ITPR3: variants seen among roughly 807,000 people sequenced by gnomAD.
ITPR3 encodes inositol 1,4,5-trisphosphate receptor type 3.
ITPR3 carries 173 observed loss-of-function variants against 293.2 expected under a neutral mutation model. That is an observed-to-expected ratio of 0.59 (90% CI 0.52 to 0.67). ITPR3 has a LOEUF of 0.67. Ranked by LOEUF, ITPR3 falls within the 30% of genes least tolerant of loss-of-function variation. ITPR3 has a pLI of 0.00. For missense variants in ITPR3, 2,796 were observed against 3,592.1 expected (o/e 0.78, Z 5.66); for synonymous variants, 1,295 against 1,444.4 (o/e 0.90, Z 2.35).
At position 33,688,248 on chromosome 6, in the gene ITPR3, C is replaced by G; in HGVS notation, c.6385C>G (p.Gln2129Glu). The G allele has an allele frequency of 3.1e-6, 5 of 1,614,190 alleles. No individual in the cohort carries two copies. The highest frequency in any genetic ancestry group is 1.1e-5 in the South Asian group (1 of 91,086). ...NHTSQIEIVR[Q>E]DRSMEQIVFP... The stretch of plus-strand genomic sequence containing the variant: ...TGCTGTGTGTGCTCAGATTGTGCGG[C>G]AGGACCGCAGCATGGAGCAGATCGT... Residue 2129 changes from glutamine to glutamate, a missense_variant, in exon 48 of 58, where the codon CAG becomes GAG. Around this residue, in one of 8 missense-constraint regions of ITPR3, gnomAD observed 568 missense variants for 796.1 expected, o/e 0.71. Transcript: ENST00000605930.
At position 33,663,754 on chromosome 6, in the gene ITPR3, C is replaced by G; in HGVS notation, c.1022C>G (p.Thr341Arg). ...CTCATCCAGGGGGCACAGGGCCGCA[C>G]AGGCCGCAGGAATGCTGGGGAGAAG... ...KAAGMGAQGR[T>R]GRRNAGEKIK... The change falls in exon 11 of 58, where the codon ACA becomes AGA. Residue 341 changes from threonine (T) to arginine (R), a missense_variant. Thr to Arg is a moderately conservative substitution (Grantham distance 71, BLOSUM62 -1). Around this residue, in one of 8 missense-constraint regions of ITPR3, gnomAD observed 955 missense variants for 1,180.8 expected, o/e 0.81. Coordinates refer to ENST00000605930, the MANE Select transcript of ITPR3 (RefSeq NM_002224.4). The G allele has an allele frequency of 6.2e-7, 1 of 1,614,016 alleles. No individual in the cohort carries two copies. Among genetic ancestry groups the G allele is most frequent in the Non-Finnish European group, 8.5e-7 (1 of 1,180,002 alleles).
rs1764296723 is a variant in ITPR3 at position 33,655,949 on chromosome 6, A to G, written c.282+62A>G. ...GTACCAGGAACCTGGGTACACAAGC[A>G]GCGGTGCTGCTTGTCGGAGCCAGTA... On this transcript the variant is annotated intron_variant, in intron 3 of 57. Coordinates refer to ENST00000605930, the MANE Select transcript of ITPR3 (RefSeq NM_002224.4). This position sits in a 1 kb window ranked among gnomAD's most constrained non-coding sequence, Gnocchi z 4.9. 1.2e-6 allele frequency: 2 copies of G among 1,603,850 alleles called. No individual in the cohort carries two copies. The highest frequency in any genetic ancestry group is 1.7e-6 in the Non-Finnish European group (2 of 1,173,254).
In ITPR3 at chr6:33,690,503, T is replaced by C. The variant is rs139767243; in HGVS notation, c.7032+305T>C. Among the ~76,000 whole-genome samples, 6 of 152,256 alleles carry C rather than the reference T, an allele frequency of 3.9e-5. 1 individual carries two copies. The highest frequency in any genetic ancestry group is 1.4e-4 in the African/African-American group (6 of 41,546). On this transcript the variant is annotated intron_variant, in intron 51 of 57. Transcript: ENST00000605930. ...ACTACTAGCTGTGTAACTGGGCAAG[T>C]TTCTTAACTGCCCCATGCCTCAGTT...
chr6:33,679,835 G>T lies in ITPR3; in HGVS notation c.3973-47G>T. On this transcript the variant is annotated intron_variant, in intron 30 of 57. Coordinates refer to ENST00000605930, the MANE Select transcript of ITPR3 (RefSeq NM_002224.4). The surrounding 1 kb of genome is among the most constrained non-coding windows in gnomAD (Gnocchi z 4.2). ...TAAGCAACGGAGAGGAGAGCCCAGG[G>T]CTTGCTGGACCGAGAGAGTGTGACA... 1 of 1,576,750 alleles carries T rather than the reference G, an allele frequency of 6.3e-7. No individual in the cohort carries two copies.
Position 33,695,558 on chromosome 6 carries a change from T to G in ITPR3, c.7948-154T>G, listed in dbSNP as rs1765520454. On this transcript the variant is annotated intron_variant, in intron 57 of 57. Coordinates refer to ENST00000605930, the MANE Select transcript of ITPR3 (RefSeq NM_002224.4). ...CAAGGGTTTGGTGCTGACATCGACA[T>G]CCTTAAAGCACCCCGAGGGGCCCTG... 3 of 691,338 alleles carry G rather than the reference T, an allele frequency of 4.3e-6. No individual in the cohort carries two copies. The Admixed American group carries it at 7.0e-5, about 16-fold the overall frequency. The allele number at this position is 691,338 out of a possible 1,614,324, so 42.8% of individuals were successfully genotyped here.
At chr6:33,694,685 C>T (rs1561886022) in intron 56 of ITPR3, 7 of 538,440 alleles carry the variant, frequency 1.3e-5, no homozygotes, top group Admixed American at 3.2e-5. Flanking sequence ...ACTCAGCTGC[C>T]GACGCTGCCT....
chr6:33,677,734 C>G (rs746894142), intron 28 of ITPR3, 105 bp downstream of exon 28: 4 of 1,398,010 alleles, frequency 2.9e-6, no homozygotes, highest in Non-Finnish European at 3.9e-6. Context: ...CCAGCCTCGC[C>G]TGGCCTCTTA....
intron 2 of ITPR3, among the ~76,000 whole-genome samples, chr6:33,652,321 G>A (rs1324260640): frequency 6.6e-6 from 1 of 152,168 alleles, no homozygotes; most frequent in African/African-American, 2.4e-5. Flanking sequence ...GCAGATTCAT[G>A]CTGAGCCAAC....
intron 39 of ITPR3, 90 bp from the exon 40 acceptor site, chr6:33,685,260 AGCCCCAGCG>A (rs1321439669): frequency 1.6e-6 from 2 of 1,218,250 alleles, no homozygotes; most frequent in East Asian, 2.4e-5. Context: ...AGGCCCCTGC[AGCCCCAGCG>A]GCCCCAGCAG....
At chr6:33,677,235 C>T (rs1764932013) in intron 27 of ITPR3, 146 bp downstream of exon 27, 1 of 814,324 alleles carries the variant, frequency 1.2e-6, no homozygotes. Flanking sequence ...ACATTAAAAA[C>T]AGCCCTGCCA....
chr6:33,650,190 G>T (rs1416475062), intron 2 of ITPR3, among the ~76,000 whole-genome samples: 1 of 152,230 alleles, frequency 6.6e-6, no homozygotes. Context: ...TTTAGTGACA[G>T]GGAAGGCTCA....
rs751698421 is a variant in ITPR3 at position 33,670,586 on chromosome 6, G to A, written c.2441+10G>A. 1 of 1,612,470 alleles carries A rather than the reference G, an allele frequency of 6.2e-7. No individual in the cohort carries two copies. The highest frequency in any genetic ancestry group is 8.5e-7 in the Non-Finnish European group (1 of 1,179,396). ...CCATCACCATCAAGGAGTGAGAGGGGTGGAGGCAGGGTGGGCGGGGCAGGG... is the reference window on the plus strand; with the variant it reads ...CCATCACCATCAAGGAGTGAGAGGGATGGAGGCAGGGTGGGCGGGGCAGGG... On this transcript the variant is annotated intron_variant, in intron 19 of 57. Coordinates refer to ENST00000605930, the MANE Select transcript of ITPR3 (RefSeq NM_002224.4). The surrounding 1 kb of genome is among the most constrained non-coding windows in gnomAD (Gnocchi z 6.7).
In ITPR3 at chr6:33,692,985, G is replaced by T; in HGVS notation, c.7624+92G>T. On this transcript the variant is annotated intron_variant, in intron 55 of 57. Transcript: ENST00000605930. The surrounding 1 kb of genome is among the most constrained non-coding windows in gnomAD (Gnocchi z 4.2). ...GTAGCGGTTTGGCCCTTCCTGCCCT[G>T]GGGAACCCTGGCCCGGAGCTGATGA... The T allele has an allele frequency of 1.5e-6, 2 of 1,318,972 alleles. No individual in the cohort carries two copies. The highest frequency in any genetic ancestry group is 2.4e-5 in the East Asian group (1 of 41,962). The allele number at this position is 1,318,972 out of a possible 1,614,324, so 81.7% of individuals were successfully genotyped here.
chr6:33,621,677 C>CA lies in ITPR3; in HGVS notation c.76dup (p.Ile26AsnfsTer9), dbSNP rs1348848078. The CA allele has an allele frequency of 6.2e-7, 1 of 1,608,934 alleles. No homozygotes were observed. Among genetic ancestry groups the CA allele is most frequent in the African/African-American group, 1.3e-5 (1 of 74,878 alleles). On this transcript the variant is annotated frameshift_variant, in exon 1 of 58. Transcript: ENST00000605930. LOFTEE classifies it high-confidence loss of function. The surrounding 1 kb of genome is among the most constrained non-coding windows in gnomAD (Gnocchi z 7.7). ...ACGCCGAGGGCTCCGTCAATGGCTTCATCAGCACTTTGGGGTGAGTGAGCC... is the reference window on the plus strand; with the variant it reads ...ACGCCGAGGGCTCCGTCAATGGCTTCAATCAGCACTTTGGGGTGAGTGAGCC...
At position 33,691,925 on chromosome 6, in the gene ITPR3, A is replaced by C. The variant is rs1197669150; in HGVS notation, c.7455A>C (p.Lys2485Asn). The C allele has an allele frequency of 1.2e-6, 2 of 1,613,838 alleles. No homozygotes were observed. The highest frequency in any genetic ancestry group is 1.7e-6 in the Non-Finnish European group (2 of 1,180,012). The change falls in exon 54 of 58, where the codon AAA becomes AAC. Residue 2485 changes from lysine to asparagine, a missense_variant. Around this residue, in one of 8 missense-constraint regions of ITPR3, gnomAD observed 568 missense variants for 796.1 expected, o/e 0.71. Coordinates refer to ENST00000605930, the MANE Select transcript of ITPR3 (RefSeq NM_002224.4). The surrounding 1 kb of genome is among the most constrained non-coding windows in gnomAD (Gnocchi z 4.9). ...GCGACATTCTCCGCAAGCCCTCCAA[A>C]GATGTGAGCACTCCTGCCCACTCCC... ...GVGDILRKPS[K>N]DESLFPARVV...
rs1196829289 is a variant in ITPR3, at chr6:33,678,742, C to T, written c.3875C>T (p.Thr1292Met). 2.5e-6 allele frequency: 4 copies of T among 1,613,350 alleles called. No homozygotes were observed. The highest frequency in any genetic ancestry group is 4.5e-5 in the East Asian group (2 of 44,888). The change falls in exon 30 of 58, where the codon ACG (threonine) becomes ATG (methionine). Residue 1292 changes from threonine (T) to methionine (M), a missense_variant. This residue lies in a region of ITPR3 where 344 missense variants were observed against 460.3 expected (regional missense o/e 0.75). Transcript: ENST00000605930. ...CAGCACTTCGTGCACCTGCTGGCCA[C>T]GCACGGGCGCCATGTGCAGTACCTG... ...VLQHFVHLLATHGRHVQYLDF... is the reference protein window; with the variant it reads ...VLQHFVHLLAMHGRHVQYLDF...
At position 33,671,101 on chromosome 6, in the gene ITPR3, C is replaced by G; in HGVS notation, c.2587-64C>G. On this transcript the variant is annotated intron_variant, in intron 20 of 57. Transcript: ENST00000605930. ...AGTTTCCCCAGTCCTGGCCTGCCCTCCACGAAGCCCCGCCCCTACGCGCCG... is the reference window on the plus strand; with the variant it reads ...AGTTTCCCCAGTCCTGGCCTGCCCTGCACGAAGCCCCGCCCCTACGCGCCG... 2.5e-6 allele frequency: 4 copies of G among 1,597,594 alleles called. No individual in the cohort carries two copies. The South Asian group carries it at 4.5e-5, about 18-fold the overall frequency.
chr6:33,648,217 C>G (rs1041334524), intron 2 of ITPR3, among the ~76,000 whole-genome samples: 1 of 151,974 alleles, frequency 6.6e-6, no homozygotes, highest in Non-Finnish European at 1.5e-5. Context: ...AGGTGTGCGT[C>G]ACCACGCCTG....
intron 1 of ITPR3, among the ~76,000 whole-genome samples, chr6:33,634,686 G>A (rs954120775): frequency 5.9e-5 from 9 of 152,270 alleles, no homozygotes; most frequent in Non-Finnish European, 1.3e-4. Context: ...CTGAGCTGGA[G>A]AGGCGGGGCT....
Sources: gnomAD v4.1 joint callset for allele counts (sites outside exome capture counted in the v4.1 genomes callset) on GRCh38, gnomAD v4.1.1 for gene constraint, gnomAD v4.1.1 regional missense constraint, Gnocchi (gnomAD v3.1) non-coding constraint, MANE v1.5 for transcripts, NCBI Gene and HGNC (gene_info 2026-07-23, HGNC 2026-07-21) for gene names.